Variants in TMEM87B observed in about 807,000 individuals in gnomAD.
TMEM87B encodes the protein transmembrane protein 87B.
Under a neutral mutation model 80.3 loss-of-function variants are expected in TMEM87B, and 83 were observed. That is an observed-to-expected ratio of 1.03 (90% CI 0.87 to 1.24). TMEM87B has a LOEUF of 1.24. Among genes scored for constraint, TMEM87B ranks in the 50% most tolerant of loss-of-function variants. TMEM87B has a pLI of 0.00. For missense variants in TMEM87B, 625 were observed against 674.4 expected (o/e 0.93, Z 0.81); for synonymous variants, 219 against 230.5 (o/e 0.95, Z 0.45).
intron 8 of TMEM87B, among the ~76,000 whole-genome samples, chr2:112,084,724 G>A (rs1227082835): frequency 6.6e-6 from 1 of 152,156 alleles, no homozygotes; most frequent in Non-Finnish European, 1.5e-5. Context: ...ATATCTTTCT[G>A]AATCTTTCTG....
At position 112,118,981 on chromosome 2, in the gene TMEM87B, C is replaced by T. The variant is rs1680093172; in HGVS notation, c.*2838C>T. On this transcript the variant is annotated 3_prime_UTR_variant, in exon 19 of 19. Transcript: ENST00000283206. ...AGCCTTATACTTAAAAGAAGTTTAA[C>T]ATATTGGTTAATATACTGGTTAATA... The T allele has an allele frequency of 6.6e-6, 1 of 152,018 alleles. No homozygotes were observed. Among genetic ancestry groups the T allele is most frequent in the African/African-American group, 2.4e-5 (1 of 41,370 alleles). 9.4% of individuals were successfully genotyped at this position (152,018 alleles called of 1,614,324 possible). A position where few individuals can be genotyped will look rare whatever the true frequency, so the allele number is the denominator to read the frequency against.
At chr2:112,111,161 G>T (rs1444154774) in intron 17 of TMEM87B, among the ~76,000 whole-genome samples, 1 of 152,152 alleles carries the variant, frequency 6.6e-6, no homozygotes, top group Non-Finnish European at 1.5e-5. Flanking sequence ...CTGAAGGCAT[G>T]TGTCTTTTGT....
At chr2:112,081,866 C>T (rs551036822) in intron 8 of TMEM87B, among the ~76,000 whole-genome samples, 2 of 152,166 alleles carry the variant, frequency 1.3e-5, no homozygotes, top group African/African-American at 2.4e-5. Context: ...TCCTTCCCCC[C>T]ACATCTTCTT....
Position 112,117,459 on chromosome 2 carries a change from C to G in TMEM87B, c.*1316C>G, listed in dbSNP as rs775358886. On this transcript the variant is annotated 3_prime_UTR_variant, in exon 19 of 19. Coordinates refer to ENST00000283206, the MANE Select transcript of TMEM87B (RefSeq NM_032824.3). ...ATTTTTTTTCTTTTTCTTTCAAAAG[C>G]CTACCTTCTGAATTTATTTCTTGTT... 2.6e-5 allele frequency: 4 copies of G among 151,912 alleles called. No individual in the cohort carries two copies. In the East Asian group the frequency reaches 7.7e-4, roughly 29 times the overall value. The allele number at this position is 151,912 out of a possible 1,614,324, so 9.4% of individuals were successfully genotyped here.
chr2:112,098,450 C>T (rs1679535952), intron 13 of TMEM87B, 145 bp from the exon 14 acceptor site: 3 of 721,632 alleles, frequency 4.2e-6, no homozygotes, highest in Non-Finnish European at 4.6e-6. Flanking sequence ...ATATAGGTTT[C>T]TTGAAAAAAT....
chr2:112,108,761 T>G (rs896368997), intron 17 of TMEM87B, among the ~76,000 whole-genome samples: 5 of 152,168 alleles, frequency 3.3e-5, no homozygotes, highest in African/African-American at 9.7e-5. Context: ...TTAGTTTTCG[T>G]CATTATGAAT....
At chr2:112,095,384 A>G (rs1410287691) in intron 11 of TMEM87B, 1 of 984,068 alleles carries the variant, frequency 1.0e-6, no homozygotes, top group Non-Finnish European at 1.2e-6. Flanking sequence ...CTTCCATGGC[A>G]GGAATGATTT....
At chr2:112,061,967 C>T (rs1573679201) in intron 2 of TMEM87B, among the ~76,000 whole-genome samples, 1 of 152,198 alleles carries the variant, frequency 6.6e-6, no homozygotes, top group South Asian at 2.1e-4. Flanking sequence ...GTGCCATGCT[C>T]ACCAAACCAC....
chr2:112,077,621 A>G (rs1181380447), intron 6 of TMEM87B, among the ~76,000 whole-genome samples: 1 of 152,180 alleles, frequency 6.6e-6, no homozygotes, highest in East Asian at 1.9e-4. Flanking sequence ...CAAGTAGGTT[A>G]TGTTCTCTGT....
intron 3 of TMEM87B, among the ~76,000 whole-genome samples, chr2:112,064,803 C>T (rs1406803321): frequency 1.3e-5 from 2 of 152,126 alleles, no homozygotes; most frequent in Admixed American, 6.5e-5. Context: ...TGATGATTCT[C>T]GTGATAGTTG....
Position 112,116,476 on chromosome 2 carries a change from A to G in TMEM87B, c.*333A>G, listed in dbSNP as rs552754365. On this transcript the variant is annotated 3_prime_UTR_variant, in exon 19 of 19. Coordinates refer to ENST00000283206, the MANE Select transcript of TMEM87B (RefSeq NM_032824.3). ...CTGGAACATATGACAATTCCAGATT[A>G]AAGAAAAATGTTTTTTAATAAATAC... 52 of 193,280 alleles carry G rather than the reference A, an allele frequency of 2.7e-4. No homozygotes were observed. The highest frequency in any genetic ancestry group is 5.0e-4 in the Non-Finnish European group (48 of 95,734). The allele number at this position is 193,280 out of a possible 1,614,324, so 12.0% of individuals were successfully genotyped here.
In TMEM87B at chr2:112,086,018, G is replaced by C; in HGVS notation, c.852G>C (p.Leu284Phe). The C allele has an allele frequency of 6.2e-7, 1 of 1,614,050 alleles. No individual in the cohort carries two copies. Among genetic ancestry groups the C allele is most frequent in the Non-Finnish European group, 8.5e-7 (1 of 1,179,974 alleles). The change falls in exon 9 of 19, where the codon TTG becomes TTC. Residue 284 changes from leucine (L) to phenylalanine (F), a missense_variant. Coordinates refer to ENST00000283206, the MANE Select transcript of TMEM87B (RefSeq NM_032824.3). The part of the protein sequence containing the change: ...SNTGLSTQGL[L>F]IFAELISAIK... ...TTTCTTCCTCAGCCCAAGGCTTATTGATATTTGCGGAGTTGATTTCTGCGA... is the reference window on the plus strand; with the variant it reads ...TTTCTTCCTCAGCCCAAGGCTTATTCATATTTGCGGAGTTGATTTCTGCGA...
Position 112,099,346 on chromosome 2 carries a change from A to T in TMEM87B, c.1376+648A>T, listed in dbSNP as rs934777555. Among the ~76,000 whole-genome samples, 10 of 152,178 alleles carry T rather than the reference A, an allele frequency of 6.6e-5. No homozygotes were observed. The East Asian group carries it at 1.3e-3, about 21-fold the overall frequency. On this transcript the variant is annotated intron_variant, in intron 14 of 18. Transcript: ENST00000283206. ...ATACTCAAAGGAAGTGCTCATTGGA[A>T]CATTTTGAATTTCAGATTTTCAGAT...
rs149409208 is a variant in TMEM87B at position 112,104,575 on chromosome 2, A to G, written c.1451-1427A>G. On this transcript the variant is annotated intron_variant, in intron 15 of 18. Transcript: ENST00000283206. ...AAAAGTCTGATAGATAGCATGAACTATTGGAGAGGATGTGGAACAGCTGGC... is the reference window on the plus strand; with the variant it reads ...AAAAGTCTGATAGATAGCATGAACTGTTGGAGAGGATGTGGAACAGCTGGC... Among the ~76,000 whole-genome samples the G allele has an allele frequency of 3.0e-4, 46 of 152,322 alleles. No homozygotes were observed. In the East Asian group the frequency reaches 8.3e-3, roughly 27 times the overall value.
intron 16 of TMEM87B, among the ~76,000 whole-genome samples, chr2:112,107,128 C>G (rs1679789370): frequency 6.6e-6 from 1 of 152,088 alleles, no homozygotes; most frequent in Admixed American, 6.6e-5. Flanking sequence ...GAGGCTGAGG[C>G]AGGCAGATCG....
intron 17 of TMEM87B, among the ~76,000 whole-genome samples, chr2:112,111,873 TTAA>T (rs1679926794): frequency 6.6e-6 from 1 of 152,248 alleles, no homozygotes; most frequent in Admixed American, 6.5e-5. Flanking sequence ...TGAATCGTTC[TTAA>T]TAAGTTTTAA....
chr2:112,082,788 C>G (rs913001445), intron 8 of TMEM87B, among the ~76,000 whole-genome samples: 4 of 152,130 alleles, frequency 2.6e-5, no homozygotes, highest in Non-Finnish European at 5.9e-5. Flanking sequence ...TGATGCTTTG[C>G]TGTCAGTGGT....
chr2:112,060,623 G>A (rs1020991538), intron 2 of TMEM87B, among the ~76,000 whole-genome samples: 9 of 150,714 alleles, frequency 6.0e-5, no homozygotes, highest in Admixed American at 4.6e-4. Context: ...TGCAACCTCC[G>A]CCTCTCAGGT....
Position 112,081,048 on chromosome 2 carries a change from C to G in TMEM87B, c.593-9C>G. On this transcript the variant is annotated splice_polypyrimidine_tract_variant and intron_variant, in intron 6 of 18. Transcript: ENST00000283206. ...CTGTTAATTAACTCTCTCTTCTTCTCTATCCTAGTTTCTCTTTCTATGATT... is the reference window on the plus strand; with the variant it reads ...CTGTTAATTAACTCTCTCTTCTTCTGTATCCTAGTTTCTCTTTCTATGATT... 6.2e-7 allele frequency: 1 copy of G among 1,609,894 alleles called. No homozygotes were observed. Among genetic ancestry groups the G allele is most frequent in the South Asian group, 1.1e-5 (1 of 90,854 alleles).
Sources: allele counts gnomAD v4.1 joint callset (sites outside exome capture counted in the v4.1 genomes callset), GRCh38; gene constraint gnomAD v4.1.1; transcripts MANE v1.5; gene names NCBI Gene and HGNC (gene_info 2026-07-23, HGNC 2026-07-21).